The following LRIT3 variants were observed in gnomAD, a reference collection of about 807,000 sequenced individuals.
LRIT3 encodes leucine rich repeat, Ig-like and transmembrane domains 3.
Under a neutral mutation model 22.6 loss-of-function variants are expected in LRIT3, and 14 were observed. That is an observed-to-expected ratio of 0.62 (90% CI 0.41 to 0.97). LRIT3 has a LOEUF of 0.97. Among genes scored for constraint, LRIT3 ranks in the 50% least tolerant of loss-of-function variants. The pLI is 0.00. For synonymous variants in LRIT3, 306 were observed against 304.5 expected (o/e 1.01, Z -0.05); for missense variants, 783 against 803.0 (o/e 0.98, Z 0.30).
intron 2 of LRIT3, among the ~76,000 whole-genome samples, chr4:109,853,291 T>G (rs144998365): frequency 0.03 from 4,603 of 152,258 alleles, 224 homozygotes; most frequent in African/African-American, 0.1. Flanking sequence ...GGCATGAGAT[T>G]ACATCTCATT....
rs995974127 is a variant in LRIT3, at chr4:109,851,596, G to A, written c.209G>A (p.Arg70His). Residue 70 changes from arginine (R) to histidine (H), a missense_variant, in exon 2 of 4, where the codon CGC (arginine) becomes CAC (histidine). By Grantham distance (29) the Arg-to-His change is conservative (BLOSUM62 0). This residue lies in a region of LRIT3 where 756 missense variants were observed against 753.8 expected (regional missense o/e 1.00). Coordinates refer to ENST00000594814, the MANE Select transcript of LRIT3 (RefSeq NM_198506.5). ...VKLRIEKTVIRRISAEAFYYL... is the reference protein window; with the variant it reads ...VKLRIEKTVIHRISAEAFYYL... ...CTTCGCATAGAGAAGACTGTCATCC[G>A]CAGAATCTCTGCGGAGGCCTTCTAT... 31 of 1,551,696 alleles carry A rather than the reference G, an allele frequency of 2.0e-5. No individual in the cohort carries two copies. Among genetic ancestry groups the A allele is most frequent in the Middle Eastern group, 1.7e-4 (1 of 6,008 alleles).
At chr4:109,850,405 TCCTTCCTTCCTTC>T (rs1560588832) in intron 1 of LRIT3, among the ~76,000 whole-genome samples, 8 of 4,204 alleles carry the variant, frequency 1.9e-3, no homozygotes, top group East Asian at 8.5e-3. Flanking sequence ...CTTCCTTCCT[TCCTTCCTTCCTTC>T]CTTCCTTTCT....
intron 2 of LRIT3, among the ~76,000 whole-genome samples, chr4:109,862,503 T>C (rs1734570884): frequency 6.6e-6 from 1 of 152,262 alleles, no homozygotes; most frequent in Admixed American, 6.5e-5. Context: ...ATAGACATTT[T>C]ATTTTTGAAG....
At chr4:109,860,790 T>A (rs1436916051) in intron 2 of LRIT3, among the ~76,000 whole-genome samples, 1 of 152,222 alleles carries the variant, frequency 6.6e-6, no homozygotes, top group Non-Finnish European at 1.5e-5. Context: ...AATGGAATCA[T>A]ATAAGATGAA....
At position 109,856,943 on chromosome 4, in the gene LRIT3, G is replaced by A. The variant is rs370610607; in HGVS notation, c.589+4967G>A. ...ACTGCAATTAATGTAAAAATAAATC[G>A]TTTACTCCTTTTAAGAATTTTCTTT... On this transcript the variant is annotated intron_variant, in intron 2 of 3. Coordinates refer to ENST00000594814, the MANE Select transcript of LRIT3 (RefSeq NM_198506.5). 1.4e-4 allele frequency among the ~76,000 whole-genome samples: 21 copies of A among 152,100 alleles called. No homozygotes were observed. The East Asian group carries it at 2.7e-3, about 20-fold the overall frequency.
At chr4:109,862,291 T>G (rs1340583993) in intron 2 of LRIT3, among the ~76,000 whole-genome samples, 1 of 152,252 alleles carries the variant, frequency 6.6e-6, no homozygotes, top group Non-Finnish European at 1.5e-5. Context: ...TAAAGTAAAC[T>G]AATTAATGCA....
In LRIT3 at chr4:109,871,384, T is replaced by C. The variant is rs927801319; in HGVS notation, c.*595T>C. On this transcript the variant is annotated 3_prime_UTR_variant, in exon 4 of 4. Coordinates refer to ENST00000594814, the MANE Select transcript of LRIT3 (RefSeq NM_198506.5). ...AAATTTTTGCTTTTCTTTAGAAATA[T>C]AGGTATTAGCAAAAGTAAGTATACA... 6 of 152,336 alleles carry C rather than the reference T, an allele frequency of 3.9e-5. No individual in the cohort carries two copies. Among genetic ancestry groups the C allele is most frequent in the African/African-American group, 1.4e-4 (6 of 41,574 alleles). 9.4% of individuals were successfully genotyped at this position (152,336 alleles called of 1,614,324 possible).
At chr4:109,852,284 T>C (rs944247150) in intron 2 of LRIT3, among the ~76,000 whole-genome samples, 1 of 152,188 alleles carries the variant, frequency 6.6e-6, no homozygotes, top group African/African-American at 2.4e-5. Flanking sequence ...ATCAACCAAC[T>C]GCATAGACTC....
rs867491840 is a variant in LRIT3 at position 109,855,888 on chromosome 4, C to T, written c.589+3912C>T. ...TTAATCCTGAGTTCTAGTTTGATTG[C>T]ACTGTAGTCTGAGAGACAGTTTGTA... On this transcript the variant is annotated intron_variant, in intron 2 of 3. Transcript: ENST00000594814. Among the ~76,000 whole-genome samples, 29 of 152,264 alleles carry T rather than the reference C, an allele frequency of 1.9e-4. 1 individual carries two copies. Among genetic ancestry groups the T allele is most frequent in the Middle Eastern group, 3.4e-3 (1 of 294 alleles).
At chr4:109,853,356 A>G (rs999577097) in intron 2 of LRIT3, among the ~76,000 whole-genome samples, 1 of 151,750 alleles carries the variant, frequency 6.6e-6, no homozygotes, top group Non-Finnish European at 1.5e-5. Context: ...TTTTTTTCAT[A>G]TGTTTGTTGG....
intron 2 of LRIT3, among the ~76,000 whole-genome samples, chr4:109,863,529 C>G (rs936249055): frequency 6.6e-6 from 1 of 152,190 alleles, no homozygotes; most frequent in African/African-American, 2.4e-5. Flanking sequence ...CATTGATTAC[C>G]TTTTATTCTG....
chr4:109,865,368 T>C, intron 2 of LRIT3: 1 of 1,393,680 alleles, frequency 7.2e-7, no homozygotes, highest in South Asian at 1.2e-5. Flanking sequence ...CGTACAATAA[T>C]GACTGAATAT....
rs1734792990 is a variant in LRIT3, at chr4:109,870,166, G to T, written c.1417G>T (p.Ala473Ser). ...CAGCACAAGTAAGAAAGAAGAGCTG[G>T]CATTGTTGGATCAAACAATGCTTAC... ...PASTSKKEELALLDQTMLTET... is the reference protein window; with the variant it reads ...PASTSKKEELSLLDQTMLTET... The change falls in exon 4 of 4, where the codon GCA becomes TCA. Residue 473 changes from alanine (A) to serine (S), a missense_variant. This residue lies in a region of LRIT3 where 756 missense variants were observed against 753.8 expected (regional missense o/e 1.00). Coordinates refer to ENST00000594814, the MANE Select transcript of LRIT3 (RefSeq NM_198506.5). The T allele has an allele frequency of 1.9e-6, 3 of 1,614,182 alleles. No individual in the cohort carries two copies. Among genetic ancestry groups the T allele is most frequent in the Non-Finnish European group, 2.5e-6 (3 of 1,180,030 alleles).
chr4:109,869,633 G>T lies in LRIT3; in HGVS notation c.896-12G>T. 6.5e-7 allele frequency: 1 copy of T among 1,529,466 alleles called. No individual in the cohort carries two copies. Among genetic ancestry groups the T allele is most frequent in the Non-Finnish European group, 8.8e-7 (1 of 1,141,444 alleles). 94.7% of individuals were successfully genotyped at this position (1,529,466 alleles called of 1,614,324 possible). The stretch of plus-strand genomic sequence containing the variant: ...TTTGTTCCTCACAGACTATACATTT[G>T]TTTTCTTCCAGTAATACAAGAATCT... On this transcript the variant is annotated splice_polypyrimidine_tract_variant and intron_variant, in intron 3 of 3. Transcript: ENST00000594814.
intron 1 of LRIT3, among the ~76,000 whole-genome samples, chr4:109,850,419 CTTCCT>C (rs1560588961): frequency 0.021 from 352 of 16,666 alleles, 36 homozygotes; most frequent in African/African-American, 0.037. Flanking sequence ...TCCTTCCTTC[CTTCCT>C]TTCTTTCTTT....
At chr4:109,867,194 G>A (rs1293040613) in intron 2 of LRIT3, among the ~76,000 whole-genome samples, 1 of 152,008 alleles carries the variant, frequency 6.6e-6, no homozygotes, top group African/African-American at 2.4e-5. Context: ...GCATTCTATG[G>A]TACCTGGATT....
chr4:109,850,444 T>TTTCTTTCTTTCTTTCC (rs1560589061), intron 1 of LRIT3, among the ~76,000 whole-genome samples: 1 of 114,960 alleles, frequency 8.7e-6, no homozygotes, highest in African/African-American at 3.6e-5. Flanking sequence ...TCTTTCTTTC[T>TTTCTTTCTTTCTTTCC]TTCTTTCTTT....
intron 2 of LRIT3, among the ~76,000 whole-genome samples, chr4:109,865,525 T>C (rs934556193): frequency 6.6e-6 from 1 of 152,232 alleles, no homozygotes; most frequent in Non-Finnish European, 1.5e-5. Context: ...ATACAGATTG[T>C]ATTACATTTG....
At chr4:109,860,945 A>G (rs1031610164) in intron 2 of LRIT3, among the ~76,000 whole-genome samples, 5 of 152,228 alleles carry the variant, frequency 3.3e-5, no homozygotes, top group East Asian at 1.9e-4. Flanking sequence ...TGTTGGACAC[A>G]TGGGTGTTTC....
Sources: allele counts gnomAD v4.1 joint callset (sites outside exome capture counted in the v4.1 genomes callset), GRCh38; gene constraint gnomAD v4.1.1; regional missense constraint gnomAD v4.1.1; transcripts MANE v1.5; gene names NCBI Gene and HGNC (gene_info 2026-07-23, HGNC 2026-07-21).